Variants in SPECC1 observed in about 807,000 individuals in gnomAD.
SPECC1 encodes sperm antigen with calponin homology and coiled-coil domains 1, also known as cytospin-B.
SPECC1 carries 62 observed loss-of-function variants against 104.1 expected under a neutral mutation model. The observed-to-expected ratio is 0.60, with a 90% CI of 0.49 to 0.74. The LOEUF (loss-of-function observed/expected upper bound fraction) is 0.74, where lower values mean the gene tolerates loss of function less well. Among genes scored for constraint, SPECC1 ranks in the 30% least tolerant of loss-of-function variants. The probability of loss-of-function intolerance (pLI) is 0.00; values close to 1 mark genes in which losing one functional copy is unlikely to be tolerated. For synonymous variants in SPECC1, 513 were observed against 501.6 expected, an observed-to-expected ratio of 1.02 and a Z score of -0.30; for missense variants, 1,306 against 1,310.5, an observed-to-expected ratio of 1.00 and a Z score of 0.05.
In SPECC1 at chr17:20,080,883, G is replaced by A. The variant is rs182782523; in HGVS notation, c.-21-15748G>A. On this transcript the variant is annotated intron_variant, in intron 1 of 14. Coordinates refer to ENST00000395527, the MANE Select transcript of SPECC1 (RefSeq NM_001243439.2). ...CCCACATGATGGGATCAGTGCAGGG[G>A]GGGGTGGTCACTGGGGCCCTCCTGT... Among the ~76,000 whole-genome samples the A allele has an allele frequency of 7.9e-3, 1,202 of 152,238 alleles. 15 individuals carry two copies. The highest frequency in any genetic ancestry group is 0.027 in the African/African-American group (1,136 of 41,536).
chr17:20,148,771 G>C (rs1302121417), intron 3 of SPECC1, among the ~76,000 whole-genome samples: 1 of 152,006 alleles, frequency 6.6e-6, no homozygotes, highest in East Asian at 1.9e-4. Context: ...CCAGGCTGGA[G>C]TGCAGTGGCG....
intron 3 of SPECC1, among the ~76,000 whole-genome samples, chr17:20,154,652 G>A (rs1039301263): frequency 1.3e-5 from 2 of 152,192 alleles, no homozygotes; most frequent in African/African-American, 4.8e-5. Context: ...AAGTGGGGGT[G>A]TGACATGATT....
At chr17:20,297,824 A>G (rs79974592) in intron 13 of SPECC1, among the ~76,000 whole-genome samples, 154 of 152,344 alleles carry the variant, frequency 1.0e-3, no homozygotes, top group African/African-American at 2.7e-3. Flanking sequence ...GCTGTTGGTC[A>G]CTCAAGAATT....
intron 13 of SPECC1, among the ~76,000 whole-genome samples, chr17:20,299,445 A>C (rs1028724170): frequency 1.3e-5 from 2 of 151,364 alleles, no homozygotes; most frequent in African/African-American, 4.9e-5. Flanking sequence ...CTGAGATCCC[A>C]GCTACTCAGG....
At position 20,205,759 on chromosome 17, in the gene SPECC1, T is replaced by G. The variant is rs751405204; in HGVS notation, c.1710T>G (p.Ala570=). The G allele has an allele frequency of 1.2e-6, 2 of 1,614,088 alleles. No homozygotes were observed. Among genetic ancestry groups the G allele is most frequent in the African/African-American group, 2.7e-5 (2 of 74,938 alleles). The change falls in exon 4 of 15, where the codon GCT becomes GCG. Residue 570 remains alanine, a synonymous_variant. Coordinates refer to ENST00000395527, the MANE Select transcript of SPECC1 (RefSeq NM_001243439.2). ...AGCAGAAAGCCACAGAGGCCAGTGC[T>G]GTGGAGCAGACGGCAGAGAGCTGCG... is the stretch of plus-strand genomic sequence containing the variant. ...GEKQKATEAS[A]VEQTAESCEV...
chr17:20,127,746 CATT>C (rs1304643754), intron 3 of SPECC1, among the ~76,000 whole-genome samples: 2 of 151,988 alleles, frequency 1.3e-5, no homozygotes, highest in South Asian at 2.1e-4. Context: ...TTGTTGTTCT[CATT>C]GTTACTTTAG....
At chr17:20,302,878 T>TAAAA (rs35060925) in intron 13 of SPECC1, among the ~76,000 whole-genome samples, 70 of 61,834 alleles carry the variant, frequency 1.1e-3, no homozygotes, top group East Asian at 2.1e-3. Flanking sequence ...TGAGCCCATC[T>TAAAA]AAAAAAAAAA....
chr17:20,215,783 T>G (rs1226668239), intron 4 of SPECC1, among the ~76,000 whole-genome samples: 1 of 152,248 alleles, frequency 6.6e-6, no homozygotes, highest in East Asian at 1.9e-4. Flanking sequence ...TAATGTTGGG[T>G]AATCTATAAA....
chr17:20,238,187 T>C (rs1021762380), intron 7 of SPECC1: 15 of 1,036,380 alleles, frequency 1.4e-5, no homozygotes, highest in South Asian at 4.6e-5. Flanking sequence ...AAGGATGTTA[T>C]TAAGCCGGAT....
intron 12 of SPECC1, among the ~76,000 whole-genome samples, chr17:20,280,011 G>T (rs1485059536): frequency 6.6e-6 from 1 of 152,158 alleles, no homozygotes; most frequent in East Asian, 1.9e-4. Context: ...TTGTTGGGAG[G>T]TGGAGTTTAA....
intron 12 of SPECC1, among the ~76,000 whole-genome samples, chr17:20,288,459 G>A (rs183196193): frequency 7.8e-4 from 118 of 152,194 alleles, no homozygotes; most frequent in Non-Finnish European, 7.4e-5. Context: ...AGACATTTAT[G>A]TAGCCAACAA....
intron 9 of SPECC1, among the ~76,000 whole-genome samples, chr17:20,247,898 G>A (rs1214044997): frequency 1.3e-5 from 2 of 152,224 alleles, no homozygotes; most frequent in Non-Finnish European, 1.5e-5. Context: ...CTGAGGGCTG[G>A]AGAAAGGTCT....
intron 3 of SPECC1, among the ~76,000 whole-genome samples, chr17:20,193,644 T>C (rs566428576): frequency 5.9e-5 from 9 of 152,314 alleles, no homozygotes; most frequent in African/African-American, 2.2e-4. Flanking sequence ...GGAAGATGAA[T>C]AAGAGTTTAA....
At chr17:20,215,748 G>A (rs773699440) in intron 4 of SPECC1, among the ~76,000 whole-genome samples, 1 of 152,176 alleles carries the variant, frequency 6.6e-6, no homozygotes, top group Non-Finnish European at 1.5e-5. Flanking sequence ...TGAATGTACT[G>A]TTTTCTTTGT....
chr17:20,086,631 C>T (rs900299887), intron 1 of SPECC1, among the ~76,000 whole-genome samples: 1 of 152,166 alleles, frequency 6.6e-6, no homozygotes, highest in African/African-American at 2.4e-5. Context: ...TTGATTTTAT[C>T]TTCCTCTGGA....
intron 1 of SPECC1, among the ~76,000 whole-genome samples, chr17:20,037,806 C>G (rs1465377916): frequency 6.6e-6 from 1 of 152,146 alleles, no homozygotes; most frequent in East Asian, 1.9e-4. Context: ...ACAGTACATA[C>G]ATCTCTTTAG....
intron 1 of SPECC1, among the ~76,000 whole-genome samples, chr17:20,052,923 A>G (rs917165850): frequency 1.3e-5 from 2 of 152,222 alleles, no homozygotes; most frequent in Non-Finnish European, 2.9e-5. Flanking sequence ...TTTGTTACCT[A>G]TGCGTTTGCC....
At chr17:20,173,594 A>G (rs1183821457) in intron 3 of SPECC1, among the ~76,000 whole-genome samples, 3 of 152,198 alleles carry the variant, frequency 2.0e-5, no homozygotes, top group African/African-American at 4.8e-5. Flanking sequence ...AATGATGGCA[A>G]CTTGCCTTAT....
At chr17:20,210,560 GC>G (rs1242568589) in intron 4 of SPECC1, among the ~76,000 whole-genome samples, 2 of 152,184 alleles carry the variant, frequency 1.3e-5, no homozygotes, top group Non-Finnish European at 1.5e-5. Flanking sequence ...GTCACACAGT[GC>G]CCCCAGGCCA....
Sources: gnomAD v4.1 joint callset for allele counts (sites outside exome capture counted in the v4.1 genomes callset) on GRCh38, gnomAD v4.1.1 for gene constraint, MANE v1.5 for transcripts, NCBI Gene and HGNC (gene_info 2026-07-23, HGNC 2026-07-21) for gene names.